Variants in FAM184A observed in about 807,000 individuals in gnomAD.
FAM184A encodes family with sequence similarity 184 member A.
In FAM184A, 99 loss-of-function variants were observed where a neutral mutation model predicts 143.8. That is an observed-to-expected ratio of 0.69 (90% CI 0.58 to 0.81). FAM184A has a LOEUF of 0.81. Among genes scored for constraint, FAM184A ranks in the 40% least tolerant of loss-of-function variants. FAM184A has a pLI of 0.00. For missense variants in FAM184A, 1,217 were observed against 1,310.5 expected (o/e 0.93, Z 1.10); for synonymous variants, 427 against 446.4 (o/e 0.96, Z 0.55).
intron 1 of FAM184A, among the ~76,000 whole-genome samples, chr6:119,074,259 G>C (rs1246562045): frequency 1.3e-5 from 2 of 152,130 alleles, no homozygotes; most frequent in Non-Finnish European, 2.9e-5. Flanking sequence ...ACCAGAACTG[G>C]CAAGACAAAG....
At chr6:118,997,008 G>GAAGA (rs11275962) in intron 9 of FAM184A, among the ~76,000 whole-genome samples, 57,692 of 151,224 alleles carry the variant, frequency 0.38, 11,513 homozygotes, top group East Asian at 0.68. Flanking sequence ...ACAGGCGTGA[G>GAAGA]CCACCAGACC....
At chr6:119,000,915 TA>T (rs1281794518) in intron 9 of FAM184A, among the ~76,000 whole-genome samples, 1 of 151,142 alleles carries the variant, frequency 6.6e-6, no homozygotes, top group African/African-American at 2.4e-5. Flanking sequence ...GAAAGGGTCC[TA>T]GGGGTAGGGC....
intron 9 of FAM184A, among the ~76,000 whole-genome samples, chr6:118,988,013 G>A (rs530037700): frequency 6.6e-6 from 1 of 152,254 alleles, no homozygotes; most frequent in South Asian, 2.1e-4. Context: ...AAGCAGTGAT[G>A]TTGTTTATGC....
intron 1 of FAM184A, among the ~76,000 whole-genome samples, chr6:119,049,592 C>T (rs1218811334): frequency 6.6e-6 from 1 of 152,138 alleles, no homozygotes; most frequent in Non-Finnish European, 1.5e-5. Flanking sequence ...GAAAACATTC[C>T]CTACTCAATA....
rs372155933 is a variant in FAM184A, at chr6:119,022,978, G to A, written c.1117C>T (p.Gln373Ter). The A allele has an allele frequency of 6.2e-7, 1 of 1,614,178 alleles. No homozygotes were observed. Among genetic ancestry groups the A allele is most frequent in the Non-Finnish European group, 8.5e-7 (1 of 1,180,022 alleles). ...SELAAARERL[Q>*]QQASDLVLKA... ...AGGACAAGATCTGAAGCTTGCTGTTGTAAACGTTCTCTGGCAGCTGCTAGC... is the reference window on the plus strand; with the variant it reads ...AGGACAAGATCTGAAGCTTGCTGTTATAAACGTTCTCTGGCAGCTGCTAGC... Residue 373 changes from glutamine (Q) to a stop codon, truncating the protein, a stop_gained, in exon 3 of 18, where the codon CAA becomes TAA. Coordinates refer to ENST00000338891, the MANE Select transcript of FAM184A (RefSeq NM_024581.6). LOFTEE classifies it high-confidence loss of function.
At chr6:119,003,134 T>G (rs1784816981) in intron 8 of FAM184A, 85 bp from the exon 9 acceptor site, 1 of 1,207,848 alleles carries the variant, frequency 8.3e-7, no homozygotes, top group Non-Finnish European at 1.1e-6. Flanking sequence ...TTTTAAGCGC[T>G]TAATTAATCC....
intron 1 of FAM184A, among the ~76,000 whole-genome samples, chr6:119,070,065 T>C (rs1031793059): frequency 2.6e-5 from 4 of 152,130 alleles, no homozygotes; most frequent in Non-Finnish European, 5.9e-5. Context: ...GGTAGCCAAG[T>C]CTAAAATATC....
At chr6:118,982,406 T>C (rs751792379) in intron 9 of FAM184A, among the ~76,000 whole-genome samples, 1 of 152,160 alleles carries the variant, frequency 6.6e-6, no homozygotes, top group Non-Finnish European at 1.5e-5. Flanking sequence ...CTTGTTGAAA[T>C]GTATACGGGA....
chr6:119,067,242 T>G (rs900596764), intron 1 of FAM184A, among the ~76,000 whole-genome samples: 10 of 152,208 alleles, frequency 6.6e-5, no homozygotes, highest in Non-Finnish European at 1.2e-4. Context: ...GCCTCCATTA[T>G]CCTTTCCACC....
intron 1 of FAM184A, among the ~76,000 whole-genome samples, chr6:119,134,991 C>G (rs1485450029): frequency 1.3e-5 from 2 of 152,168 alleles, no homozygotes; most frequent in African/African-American, 2.4e-5. Flanking sequence ...AACTTTTGAT[C>G]CAGCAATTCC....
At chr6:119,110,688 T>G (rs1396494886) in intron 1 of FAM184A, among the ~76,000 whole-genome samples, 1 of 152,186 alleles carries the variant, frequency 6.6e-6, no homozygotes, top group Non-Finnish European at 1.5e-5. Flanking sequence ...CAGGCAAGAC[T>G]GTGAAAGCTG....
At chr6:118,969,842 C>G (rs937521353) in intron 14 of FAM184A, among the ~76,000 whole-genome samples, 5 of 145,488 alleles carry the variant, frequency 3.4e-5, no homozygotes, top group East Asian at 2.0e-4. Flanking sequence ...GTTCCCCTCC[C>G]TGGGCCCACA....
chr6:119,101,529 C>T (rs1006732811), intron 1 of FAM184A, among the ~76,000 whole-genome samples: 3 of 152,186 alleles, frequency 2.0e-5, no homozygotes, highest in Non-Finnish European at 4.4e-5. Flanking sequence ...GTTCAAACTT[C>T]ACTCTTTTGA....
chr6:119,090,962 T>C (rs991503288), intron 1 of FAM184A, among the ~76,000 whole-genome samples: 5 of 152,192 alleles, frequency 3.3e-5, no homozygotes, highest in Admixed American at 1.3e-4. Flanking sequence ...CCTTACTGCC[T>C]TCATTATTTA....
At position 119,078,599 on chromosome 6, in the gene FAM184A, A is replaced by C. The variant is rs1040232787; in HGVS notation, c.-300T>G. ...AGGCTCCTCGGCCCGCGCCTGGCGGAGGCGTCGAGGACAGCGCAGCTCCGC... is the reference window on the plus strand; with the variant it reads ...AGGCTCCTCGGCCCGCGCCTGGCGGCGGCGTCGAGGACAGCGCAGCTCCGC... On this transcript the variant is annotated 5_prime_UTR_variant, in exon 1 of 18. Transcript: ENST00000338891. The surrounding 1 kb of genome is among the most constrained non-coding windows in gnomAD (Gnocchi z 5.5). 8 of 225,676 alleles carry C rather than the reference A, an allele frequency of 3.5e-5. No individual in the cohort carries two copies. The highest frequency in any genetic ancestry group is 6.0e-5 in the Non-Finnish European group (7 of 115,996). 14.0% of individuals were successfully genotyped at this position (225,676 alleles called of 1,614,324 possible).
At chr6:119,083,178 G>A (rs1054292429), upstream of FAM184A, among the ~76,000 whole-genome samples, 2 of 152,124 alleles carry the variant, frequency 1.3e-5, no homozygotes, top group Admixed American at 6.5e-5. Flanking sequence ...TCCCAAGACC[G>A]TACAAAGTGG....
At chr6:119,023,862 A>G in intron 2 of FAM184A, 97 bp downstream of exon 2, 1 of 938,026 alleles carries the variant, frequency 1.1e-6, no homozygotes, top group Non-Finnish European at 1.5e-6. Context: ...GTGTGAAGCC[A>G]CTGATTCTAA....
intron 1 of FAM184A, among the ~76,000 whole-genome samples, chr6:119,035,149 G>A (rs1786061452): frequency 6.6e-6 from 1 of 152,046 alleles, no homozygotes; most frequent in Non-Finnish European, 1.5e-5. Flanking sequence ...CATTTAAAGA[G>A]GATTTTAACA....
Position 119,125,037 on chromosome 6 carries a change from C to A in FAM184A, c.-202+24041G>T, listed in dbSNP as rs1409909586. ...AATTTTTACTAACGCTTTGAAAGTG[C>A]CTTGAAAGGTGTTATTTACAAATCA... On this transcript the variant is annotated intron_variant, in intron 1 of 16. Transcript: ENST00000352896. Among the ~76,000 whole-genome samples, 6 of 152,078 alleles carry A rather than the reference C, an allele frequency of 3.9e-5. 1 individual carries two copies. Among genetic ancestry groups the A allele is most frequent in the African/African-American group, 1.2e-4 (5 of 41,412 alleles).
Sources: allele counts gnomAD v4.1 joint callset (sites outside exome capture counted in the v4.1 genomes callset), GRCh38; gene constraint gnomAD v4.1.1; non-coding constraint Gnocchi (gnomAD v3.1); transcripts MANE v1.5; gene names NCBI Gene and HGNC (gene_info 2026-07-23, HGNC 2026-07-21).